POLR3E: variants seen among roughly 807,000 people sequenced by gnomAD.
The protein encoded by POLR3E is DNA-directed RNA polymerase III subunit RPC5.
In POLR3E, 41 loss-of-function variants were observed where a neutral mutation model predicts 96.6. That is an observed-to-expected ratio of 0.42 (90% CI 0.33 to 0.55). The LOEUF (loss-of-function observed/expected upper bound fraction) is 0.55, where lower values mean the gene tolerates loss of function less well. Ranked by LOEUF, POLR3E falls within the 20% of genes least tolerant of loss-of-function variation. The pLI is 0.06. For synonymous variants in POLR3E, 396 were observed against 383.6 expected (o/e 1.03, Z -0.38); for missense variants, 849 against 952.1 (o/e 0.89, Z 1.43).
At chr16:22,309,533 C>A in intron 6 of POLR3E, 23 bp downstream of exon 6, 6 of 1,359,800 alleles carry the variant, frequency 4.4e-6, no homozygotes, top group South Asian at 1.2e-5. Context: ...GGGTGTCCCG[C>A]GGTGGGGACA....
intron 13 of POLR3E, among the ~76,000 whole-genome samples, chr16:22,319,651 G>A (rs1028339826): frequency 5.9e-5 from 9 of 152,048 alleles, no homozygotes; most frequent in Non-Finnish European, 1.2e-4. Context: ...TGCCCGCCTC[G>A]GCTTCCCAAA....
In POLR3E at chr16:22,313,129, C is replaced by T. The variant is rs570654412; in HGVS notation, c.365-491C>T. 6.6e-6 allele frequency among the ~76,000 whole-genome samples: 1 copy of T among 152,066 alleles called. No homozygotes were observed. Among genetic ancestry groups the T allele is most frequent in the African/African-American group, 2.4e-5 (1 of 41,404 alleles). ...ACTCCACCCAGTTCTAGCAGGGCCTCTTCTCCAGCCACAGTGGCACTAGTG... is the reference window on the plus strand; with the variant it reads ...ACTCCACCCAGTTCTAGCAGGGCCTTTTCTCCAGCCACAGTGGCACTAGTG... On this transcript the variant is annotated intron_variant, in intron 6 of 20. Coordinates refer to ENST00000299853, the MANE Select transcript of POLR3E (RefSeq NM_018119.4). This position sits in a 1 kb window ranked among gnomAD's most constrained non-coding sequence, Gnocchi z 4.1.
chr16:22,321,451 C>T (rs2048469832), intron 13 of POLR3E, among the ~76,000 whole-genome samples: 1 of 152,240 alleles, frequency 6.6e-6, no homozygotes, highest in African/African-American at 2.4e-5. Flanking sequence ...CGCAGTTTGT[C>T]AGCACCTTGC....
In POLR3E at chr16:22,325,857, G is replaced by C; in HGVS notation, c.1445G>C (p.Arg482Pro). 6.2e-7 allele frequency: 1 copy of C among 1,611,972 alleles called. No homozygotes were observed. Among genetic ancestry groups the C allele is most frequent in the Non-Finnish European group, 8.5e-7 (1 of 1,179,354 alleles). ...HALLERELQRRKEQLRVPAVP... is the reference protein window; with the variant it reads ...HALLERELQRPKEQLRVPAVP... Reference sequence around the variant, plus strand: ...TTGCTGGAGCGGGAGCTGCAGCGGCGGAAGGAGCAGCTGCGGGTGCCTGCG... The same window carrying C: ...TTGCTGGAGCGGGAGCTGCAGCGGCCGAAGGAGCAGCTGCGGGTGCCTGCG... Residue 482 changes from arginine to proline, a missense_variant, in exon 18 of 21, where the codon CGG becomes CCG. By Grantham distance (103) the Arg-to-Pro change is moderately radical (BLOSUM62 -2). Coordinates refer to ENST00000299853, the MANE Select transcript of POLR3E (RefSeq NM_018119.4).
At position 22,307,413 on chromosome 16, in the gene POLR3E, C is replaced by T. The variant is rs957688857; in HGVS notation, c.88-735C>T. Among the ~76,000 whole-genome samples, 39 of 152,180 alleles carry T rather than the reference C, an allele frequency of 2.6e-4. 2 individuals are homozygous for T. The highest frequency in any genetic ancestry group is 9.7e-5 in the African/African-American group (4 of 41,450). On this transcript the variant is annotated intron_variant, in intron 3 of 20. Transcript: ENST00000299853. ...GGGCCTATTTTCCGCACTGCCATAC[C>T]TCCACCAGGCTCATTCTACAGGCTG...
intron 3 of POLR3E, among the ~76,000 whole-genome samples, chr16:22,307,847 G>A (rs757017112): frequency 3.3e-5 from 5 of 152,162 alleles, no homozygotes; most frequent in African/African-American, 4.8e-5. Flanking sequence ...CGTGCTCTGT[G>A]GGTTCCTGGA....
chr16:22,333,313 G>A (rs572662884), intron 20 of POLR3E, among the ~76,000 whole-genome samples: 121 of 151,692 alleles, frequency 8.0e-4, no homozygotes, highest in African/African-American at 2.6e-3. Context: ...TTAGCCAGGC[G>A]TAGTGGTACA....
chr16:22,313,060 C>T lies in POLR3E; in HGVS notation c.365-560C>T, dbSNP rs897985212. Among the ~76,000 whole-genome samples, 5 of 152,200 alleles carry T rather than the reference C, an allele frequency of 3.3e-5. No individual in the cohort carries two copies. Among genetic ancestry groups the T allele is most frequent in the Non-Finnish European group, 1.5e-5 (1 of 68,014 alleles). ...TAATTCTTGAAAGCCACATCCCTTG[C>T]AGCGGGAGGGAAAGTCATGATCTTT... On this transcript the variant is annotated intron_variant, in intron 6 of 20. Transcript: ENST00000299853. The surrounding 1 kb of genome is among the most constrained non-coding windows in gnomAD (Gnocchi z 4.1).
At chr16:22,302,087 G>A (rs1375387953) in intron 1 of POLR3E, among the ~76,000 whole-genome samples, 2 of 152,056 alleles carry the variant, frequency 1.3e-5, no homozygotes, top group Non-Finnish European at 2.9e-5. Context: ...GCCCCGTGGA[G>A]ACCTACAGCC....
chr16:22,309,562 G>A, intron 6 of POLR3E, 52 bp downstream of exon 6: 1 of 1,279,668 alleles, frequency 7.8e-7, no homozygotes, highest in Non-Finnish European at 1.1e-6. Flanking sequence ...GGGGGGGCTG[G>A]GCAGGGAGAG....
In POLR3E at chr16:22,325,943, G is replaced by A; in HGVS notation, c.1531G>A (p.Glu511Lys). 1 of 1,594,068 alleles carries A rather than the reference G, an allele frequency of 6.3e-7. No homozygotes were observed. The highest frequency in any genetic ancestry group is 8.5e-7 in the Non-Finnish European group (1 of 1,170,050). The change falls in exon 18 of 21, where the codon GAG (glutamate) becomes AAG (lysine). Residue 511 changes from glutamate (E) to lysine (K), a missense_variant. By Grantham distance (56) the Glu-to-Lys change is moderately conservative. Transcript: ENST00000299853. ...PVSEEGEEDE[E>K]QEAEEEPMDT... Reference sequence around the variant, plus strand: ...GAGCGAGGAGGGCGAGGAGGACGAGGAGCAGGAGGCGGAGGAGGAGCCCAT... The same window carrying A: ...GAGCGAGGAGGGCGAGGAGGACGAGAAGCAGGAGGCGGAGGAGGAGCCCAT...
chr16:22,304,142 A>G (rs1254373103), intron 2 of POLR3E, among the ~76,000 whole-genome samples: 3 of 152,102 alleles, frequency 2.0e-5, no homozygotes, highest in Admixed American at 2.0e-4. Context: ...AGCTGTTGAT[A>G]GTCAAACTCA....
chr16:22,308,239 CT>C lies in POLR3E; in HGVS notation c.165+15del, dbSNP rs1471955925. ...AAGCAGCAGAAGGTGGGGCTGCCCC[CT>C]GAGGGCAGTTGGGGCCGAAAGAGAG... is the stretch of plus-strand genomic sequence containing the variant. On this transcript the variant is annotated intron_variant, in intron 4 of 20. Transcript: ENST00000299853. 1 of 1,605,384 alleles carries C rather than the reference CT, an allele frequency of 6.2e-7. No individual in the cohort carries two copies. The highest frequency in any genetic ancestry group is 8.5e-7 in the Non-Finnish European group (1 of 1,172,230).
At chr16:22,328,384 T>C (rs1034183182) in intron 18 of POLR3E, 126 bp from the exon 19 acceptor site, 5 of 759,920 alleles carry the variant, frequency 6.6e-6, no homozygotes, top group South Asian at 1.6e-5. Flanking sequence ...AGATGGTGAG[T>C]AGCAGAAGCT....
At chr16:22,331,998 T>C (rs2048750476) in intron 19 of POLR3E, 62 bp from the exon 20 acceptor site, 3 of 1,559,824 alleles carry the variant, frequency 1.9e-6, no homozygotes, top group African/African-American at 1.4e-5. Flanking sequence ...GGGTGTCTTG[T>C]TTGGGGATGT....
At chr16:22,299,872 AT>A (rs963888037) in intron 1 of POLR3E, among the ~76,000 whole-genome samples, 22 of 147,490 alleles carry the variant, frequency 1.5e-4, no homozygotes, top group African/African-American at 4.7e-4. Flanking sequence ...CCAGGCTAAA[AT>A]TTTTTTTTAA....
At chr16:22,332,273 TATG>T in intron 20 of POLR3E, 88 bp downstream of exon 20, 2 of 1,261,352 alleles carry the variant, frequency 1.6e-6, no homozygotes, top group Non-Finnish European at 2.2e-6. Context: ...TCTTTGTGTA[TATG>T]AAATCAGGCT....
At chr16:22,311,518 C>T (rs1463192011) in intron 6 of POLR3E, among the ~76,000 whole-genome samples, 4 of 149,990 alleles carry the variant, frequency 2.7e-5, no homozygotes, top group Admixed American at 6.6e-5. Flanking sequence ...TTTTGGAGAC[C>T]GGGTCTCACT....
chr16:22,303,066 A>T, intron 2 of POLR3E, 62 bp downstream of exon 2: 1 of 1,449,782 alleles, frequency 6.9e-7, no homozygotes, highest in African/African-American at 1.4e-5. Flanking sequence ...GGTCCTTTCC[A>T]TGTGTCCTCA....
Sources: allele counts gnomAD v4.1 joint callset (sites outside exome capture counted in the v4.1 genomes callset), GRCh38; gene constraint gnomAD v4.1.1; non-coding constraint Gnocchi (gnomAD v3.1); transcripts MANE v1.5; gene names NCBI Gene and HGNC (gene_info 2026-07-23, HGNC 2026-07-21).